The following MS4A6E variants were observed in gnomAD, a reference collection of about 807,000 sequenced individuals.
The protein encoded by MS4A6E is membrane-spanning 4-domains subfamily A member 6E.
A neutral mutation model predicts 13.2 loss-of-function variants in MS4A6E; 8 were observed. That is an observed-to-expected ratio of 0.60 (90% confidence interval 0.35 to 1.09). MS4A6E has a LOEUF of 1.09. Ranked by LOEUF, MS4A6E falls within the 50% of genes least tolerant of loss-of-function variation. The pLI, the probability that MS4A6E is intolerant of heterozygous loss-of-function variation, is 0.02. For synonymous variants in MS4A6E, 72 were observed against 67.6 expected, an observed-to-expected ratio of 1.06 and a Z score of -0.32; for missense variants, 177 against 171.1, an observed-to-expected ratio of 1.03 and a Z score of -0.19.
chr11:60,342,759 G>T (rs2085236263), downstream of MS4A6E, among the ~76,000 whole-genome samples: 1 of 152,158 alleles, frequency 6.6e-6, no homozygotes, highest in African/African-American at 2.4e-5. Flanking sequence ...ACAACTGCTG[G>T]CATTCACCTT....
At chr11:60,340,473 A>G (rs2085217101) in intron 4 of MS4A6E, among the ~76,000 whole-genome samples, 2 of 152,240 alleles carry the variant, frequency 1.3e-5, no homozygotes, top group South Asian at 2.1e-4. Flanking sequence ...AAGATATATT[A>G]AAAATGTATT....
intron 4 of MS4A6E, among the ~76,000 whole-genome samples, chr11:60,348,003 C>T (rs1273567539): frequency 1.3e-5 from 2 of 152,100 alleles, no homozygotes; most frequent in African/African-American, 4.8e-5. Context: ...GACAGCGATT[C>T]GGGTTAACTT....
At chr11:60,344,157 G>A (rs1345936188), downstream of MS4A6E, among the ~76,000 whole-genome samples, 1 of 152,126 alleles carries the variant, frequency 6.6e-6, no homozygotes, top group African/African-American at 2.4e-5. Flanking sequence ...TTTTAAAAGG[G>A]CTCACTTTGT....
chr11:60,332,182 T>G (rs2085160600), intron 1 of MS4A6E, among the ~76,000 whole-genome samples: 1 of 152,208 alleles, frequency 6.6e-6, no homozygotes, highest in Non-Finnish European at 1.5e-5. Context: ...TTTCAAAAAA[T>G]ATTTTCACTG....
intron 1 of MS4A6E, among the ~76,000 whole-genome samples, chr11:60,333,665 T>C (rs2085170787): frequency 1.3e-5 from 2 of 152,140 alleles, no homozygotes; most frequent in African/African-American, 4.8e-5. Flanking sequence ...ACTCGGATAG[T>C]TGTTTTGGGT....
chr11:60,330,305 T>C (rs2085146273), intron 1 of MS4A6E, among the ~76,000 whole-genome samples: 1 of 74,998 alleles, frequency 1.3e-5, no homozygotes, highest in Non-Finnish European at 3.8e-5. Flanking sequence ...GCTCTTTTGT[T>C]TAATTAGATC....
At chr11:60,344,232 C>T (rs914137793), downstream of MS4A6E, among the ~76,000 whole-genome samples, 2 of 152,192 alleles carry the variant, frequency 1.3e-5, no homozygotes, top group Admixed American at 1.3e-4. Context: ...TTAACTAACA[C>T]TTTATTACCT....
chr11:60,331,820 C>T (rs1052794355), intron 1 of MS4A6E, among the ~76,000 whole-genome samples: 1 of 152,150 alleles, frequency 6.6e-6, no homozygotes, highest in African/African-American at 2.4e-5. Flanking sequence ...AGGTGGAGTC[C>T]TCATGAATGG....
At chr11:60,340,046 T>C (rs971491733) in intron 4 of MS4A6E, 82 bp downstream of exon 4, 166 of 1,580,202 alleles carry the variant, frequency 1.1e-4, no homozygotes, top group Non-Finnish European at 1.3e-4. Flanking sequence ...CCAAGAGTGG[T>C]AGAAGGAACA....
intron 3 of MS4A6E, 66 bp downstream of exon 3, chr11:60,338,013 T>C: frequency 6.7e-7 from 1 of 1,489,048 alleles, no homozygotes; most frequent in South Asian, 1.2e-5. Flanking sequence ...TTTCTTATTA[T>C]TCCATCCTTT....
At chr11:60,345,963 C>A (rs2085254696), downstream of MS4A6E, among the ~76,000 whole-genome samples, 5 of 152,192 alleles carry the variant, frequency 3.3e-5, no homozygotes, top group Admixed American at 3.3e-4. Context: ...AAGAGACTGG[C>A]TCTGTTGTCC....
At chr11:60,330,432 C>T (rs2085147827) in intron 1 of MS4A6E, among the ~76,000 whole-genome samples, 1 of 139,852 alleles carries the variant, frequency 7.2e-6, no homozygotes, top group Non-Finnish European at 1.5e-5. Flanking sequence ...AGCTCCGCCT[C>T]CCGGGTTCAC....
At chr11:60,339,632 A>G (rs2165832) in intron 3 of MS4A6E, among the ~76,000 whole-genome samples, 65,764 of 152,074 alleles carry the variant, frequency 0.43, 14,615 homozygotes, top group Middle Eastern at 0.62. Context: ...AGTGTATGAA[A>G]TGGATTAGTT....
Position 60,337,904 on chromosome 11 carries a change from C to T in MS4A6E, c.311C>T (p.Ser104Leu). The stretch of plus-strand genomic sequence containing the variant: ...CTTCTTCTTTCTTATGATTATCATT[C>T]ACCTTACACCATGGACTGCCATAGA... ...TRLLLSYDYH[S>L]PYTMDCHRAK... Residue 104 changes from serine to leucine, a missense_variant, in exon 3 of 5, where the codon TCA becomes TTA. Coordinates refer to ENST00000684409, the MANE Select transcript of MS4A6E (RefSeq NM_139249.4). 6.2e-7 allele frequency: 1 copy of T among 1,614,230 alleles called. No homozygotes were observed. Among genetic ancestry groups the T allele is most frequent in the Middle Eastern group, 1.6e-4 (1 of 6,062 alleles).
chr11:60,342,839 T>C (rs1366717010), downstream of MS4A6E, among the ~76,000 whole-genome samples: 5 of 152,202 alleles, frequency 3.3e-5, no homozygotes, highest in Non-Finnish European at 7.3e-5. Context: ...AGACAAGAAA[T>C]GATTTGGGGG....
chr11:60,330,466 C>T (rs1245509631), intron 1 of MS4A6E, among the ~76,000 whole-genome samples: 2 of 127,492 alleles, frequency 1.6e-5, no homozygotes, highest in Non-Finnish European at 3.5e-5. Flanking sequence ...CTCAGCCTCC[C>T]GAGTAGCTGG....
chr11:60,330,478 A>AC (rs34709847), intron 1 of MS4A6E, among the ~76,000 whole-genome samples: 47,512 of 141,778 alleles, frequency 0.34, 9,250 homozygotes, highest in Admixed American at 0.38. Context: ...AGTAGCTGGG[A>AC]TACAGGCACC....
At chr11:60,340,108 A>G in intron 4 of MS4A6E, 144 bp downstream of exon 4, 1 of 1,253,342 alleles carries the variant, frequency 8.0e-7, no homozygotes, top group Non-Finnish European at 1.1e-6. Context: ...GTGATGGAAG[A>G]CCGAGAAGAA....
chr11:60,340,609 A>G (rs578216720), intron 4 of MS4A6E, among the ~76,000 whole-genome samples, 167 bp from the exon 5 acceptor site: 1 of 152,330 alleles, frequency 6.6e-6, no homozygotes, highest in African/African-American at 2.4e-5. Context: ...GATAAATTGT[A>G]ATTATTTGAA....
Sources: allele counts gnomAD v4.1 joint callset (sites outside exome capture counted in the v4.1 genomes callset), GRCh38; gene constraint gnomAD v4.1.1; transcripts MANE v1.5; gene names NCBI Gene and HGNC (gene_info 2026-07-23, HGNC 2026-07-21).